Variants in NRXN3 observed in about 807,000 individuals in gnomAD.
NRXN3 encodes neurexin 3.
In NRXN3, 32 loss-of-function variants were observed where a neutral mutation model predicts 137.6. The observed-to-expected ratio is 0.23, with a 90% CI of 0.18 to 0.31. The LOEUF (loss-of-function observed/expected upper bound fraction) is 0.31. NRXN3 is among the 10% of genes least tolerant of loss of function. The pLI, the probability that NRXN3 is intolerant of heterozygous loss-of-function variation, is 1.00. For synonymous variants in NRXN3, 798 were observed against 784.5 expected, an observed-to-expected ratio of 1.02 and a Z score of -0.29; for missense variants, 1,574 against 2,062.5, an observed-to-expected ratio of 0.76 and a Z score of 4.59.
chr14:78,958,689 A>G (rs1317760369), intron 11 of NRXN3, among the ~76,000 whole-genome samples: 1 of 152,168 alleles, frequency 6.6e-6, no homozygotes, highest in Non-Finnish European at 1.5e-5. Context: ...TCCCTCTCTG[A>G]TATTCTAGAG....
intron 15 of NRXN3, among the ~76,000 whole-genome samples, chr14:79,021,942 T>G (rs968652159): frequency 7.9e-5 from 12 of 152,320 alleles, no homozygotes; most frequent in African/African-American, 2.6e-4. Context: ...GGCAAGACAG[T>G]AAACTCACAA....
chr14:78,684,911 A>G (rs2098112671), intron 6 of NRXN3, among the ~76,000 whole-genome samples: 1 of 152,188 alleles, frequency 6.6e-6, no homozygotes, highest in South Asian at 2.1e-4. Context: ...TTATTTTCCT[A>G]ATAAGTTAAT....
At chr14:79,805,236 C>CA (rs1434509070) in intron 20 of NRXN3, 46 bp downstream of exon 20, 15 of 1,413,572 alleles carry the variant, frequency 1.1e-5, no homozygotes, top group African/African-American at 1.4e-5. Flanking sequence ...TTTTCTTTTG[C>CA]AAAAAACAAT....
At chr14:79,564,933 A>G (rs1045358602) in intron 16 of NRXN3, among the ~76,000 whole-genome samples, 8 of 152,076 alleles carry the variant, frequency 5.3e-5, no homozygotes, top group African/African-American at 1.9e-4. Context: ...TCACGATTTC[A>G]AATGGAGAAA....
intron 16 of NRXN3, among the ~76,000 whole-genome samples, chr14:79,570,857 C>A (rs530915452): frequency 2.6e-5 from 4 of 152,284 alleles, no homozygotes; most frequent in Admixed American, 2.6e-4. Context: ...ATTCTCATAT[C>A]ACCTTTCCTA....
intron 5 of NRXN3, 80 bp downstream of exon 5, chr14:78,645,501 G>A (rs2097677535): frequency 1.6e-6 from 2 of 1,258,142 alleles, no homozygotes; most frequent in Non-Finnish European, 2.2e-6. Flanking sequence ...GGTGATGGGT[G>A]TGAGGTGGAG....
intron 15 of NRXN3, among the ~76,000 whole-genome samples, chr14:79,097,546 G>A (rs922345159): frequency 1.3e-5 from 2 of 152,146 alleles, no homozygotes; most frequent in Non-Finnish European, 2.9e-5. Context: ...TGAAGGAAGA[G>A]GCCAAACCAT....
chr14:79,396,082 T>G (rs989861387), intron 15 of NRXN3, among the ~76,000 whole-genome samples: 1 of 152,136 alleles, frequency 6.6e-6, no homozygotes, highest in Non-Finnish European at 1.5e-5. Context: ...CATGCTGGCA[T>G]GTTTTATGCA....
chr14:78,948,103 T>G (rs1479480662), intron 10 of NRXN3, among the ~76,000 whole-genome samples: 1 of 152,144 alleles, frequency 6.6e-6, no homozygotes, highest in Non-Finnish European at 1.5e-5. Flanking sequence ...AGACAAAGAC[T>G]TGGGTGAGAT....
At chr14:79,240,005 T>G (rs980727130) in intron 15 of NRXN3, among the ~76,000 whole-genome samples, 1 of 152,042 alleles carries the variant, frequency 6.6e-6, no homozygotes, top group African/African-American at 2.4e-5. Flanking sequence ...CCAGAAGTAG[T>G]GGGTAGGGGG....
chr14:79,110,010 G>A (rs1324725403), intron 15 of NRXN3, among the ~76,000 whole-genome samples: 1 of 152,032 alleles, frequency 6.6e-6, no homozygotes, highest in Non-Finnish European at 1.5e-5. Flanking sequence ...AATAAGATAT[G>A]TAAATTAAAA....
At chr14:79,243,215 G>A (rs1328488508) in intron 15 of NRXN3, among the ~76,000 whole-genome samples, 20 of 152,014 alleles carry the variant, frequency 1.3e-4, no homozygotes, top group Admixed American at 1.2e-3. Context: ...ATTCTTTTAA[G>A]GATTCCACCG....
At position 78,791,136 on chromosome 14, in the gene NRXN3, A is replaced by G. The variant is rs113097616; in HGVS notation, c.2045-12484A>G. Reference sequence around the variant, plus strand: ...ATAGTTTTTACTTTTCTTTTTGATTAGGACCTTATCACACCTAAAACAACA... The same window carrying G: ...ATAGTTTTTACTTTTCTTTTTGATTGGGACCTTATCACACCTAAAACAACA... On this transcript the variant is annotated intron_variant, in intron 8 of 20. Coordinates refer to ENST00000335750, the MANE Select transcript of NRXN3 (RefSeq NM_001330195.2). Among the ~76,000 whole-genome samples, 795 of 152,294 alleles carry G rather than the reference A, an allele frequency of 5.2e-3. 5 individuals carry two copies. Among genetic ancestry groups the G allele is most frequent in the Middle Eastern group, 0.02 (6 of 294 alleles).
chr14:78,239,344 T>C (rs2066771362), intron 1 of NRXN3, among the ~76,000 whole-genome samples: 1 of 152,242 alleles, frequency 6.6e-6, no homozygotes, highest in Non-Finnish European at 1.5e-5. Flanking sequence ...GATTGGTGTC[T>C]TTATTTTGCT....
At chr14:78,619,129 T>C (rs754785719) in intron 4 of NRXN3, among the ~76,000 whole-genome samples, 31 of 152,174 alleles carry the variant, frequency 2.0e-4, no homozygotes, top group Non-Finnish European at 4.0e-4. Context: ...GTTAGTATTC[T>C]CCACAGAGCT....
At chr14:78,190,648 TTTATTTACTTAC>T (rs1218850087) in intron 1 of NRXN3, among the ~76,000 whole-genome samples, 119 of 34,184 alleles carry the variant, frequency 3.5e-3, no homozygotes, top group Middle Eastern at 0.032. Flanking sequence ...TATTTATTTA[TTTATTTACTTAC>T]TTACTTACTT....
chr14:79,050,969 C>T (rs1290101548), intron 15 of NRXN3, among the ~76,000 whole-genome samples: 2 of 152,192 alleles, frequency 1.3e-5, no homozygotes, highest in South Asian at 2.1e-4. Context: ...GTGCCCAGAA[C>T]TCCTTTGAAT....
intron 15 of NRXN3, among the ~76,000 whole-genome samples, chr14:79,377,514 G>C (rs569988848): frequency 6.6e-6 from 1 of 152,224 alleles, no homozygotes; most frequent in African/African-American, 2.4e-5. Context: ...AGCACTTTGG[G>C]AGGCCGAGGC....
At chr14:78,282,431 G>C (rs2074534949) in intron 3 of NRXN3, 1 of 272,888 alleles carries the variant, frequency 3.7e-6, no homozygotes, top group African/African-American at 2.2e-5. Flanking sequence ...TCCAATGACA[G>C]CCTCTCTCCT....
Sources: gnomAD v4.1 joint callset for allele counts (sites outside exome capture counted in the v4.1 genomes callset) on GRCh38, gnomAD v4.1.1 for gene constraint, MANE v1.5 for transcripts, NCBI Gene and HGNC (gene_info 2026-07-23, HGNC 2026-07-21) for gene names.